The following DGKB variants were observed in gnomAD, a reference collection of about 807,000 sequenced individuals.
The protein encoded by DGKB is diacylglycerol kinase beta, also known as 90 kDa diacylglycerol kinase.
In DGKB, 67 loss-of-function variants were observed where a neutral mutation model predicts 114.3. The observed-to-expected ratio is 0.59, with a 90% CI of 0.48 to 0.72. The LOEUF (loss-of-function observed/expected upper bound fraction) is 0.72, where lower values mean the gene tolerates loss of function less well. Ranked by LOEUF, DGKB falls within the 30% of genes least tolerant of loss-of-function variation. The pLI is 0.00. For synonymous variants in DGKB, 398 were observed against 323.1 expected, an observed-to-expected ratio of 1.23 and a Z score of -2.49; for missense variants, 907 against 975.2, an observed-to-expected ratio of 0.93 and a Z score of 0.93.
At chr7:14,196,802 A>C (rs1785083758) in intron 23 of DGKB, among the ~76,000 whole-genome samples, 1 of 152,108 alleles carries the variant, frequency 6.6e-6, no homozygotes, top group South Asian at 2.1e-4. Flanking sequence ...TTGAATTAAA[A>C]AAAAAATAAG....
chr7:14,204,046 T>G (rs1361934747), intron 23 of DGKB, among the ~76,000 whole-genome samples: 1 of 151,984 alleles, frequency 6.6e-6, no homozygotes, highest in Non-Finnish European at 1.5e-5. Flanking sequence ...GACATCTATT[T>G]GAGAAAATAA....
chr7:14,221,040 C>A (rs1205282301), intron 23 of DGKB, among the ~76,000 whole-genome samples: 2 of 151,270 alleles, frequency 1.3e-5, no homozygotes, highest in African/African-American at 4.8e-5. Context: ...ATGCCAAACT[C>A]ATTGATTAGT....
At chr7:14,960,734 T>C (rs36911) in intron 1 of DGKB, among the ~76,000 whole-genome samples, 56,425 of 151,942 alleles carry the variant, frequency 0.37, 11,284 homozygotes, top group African/African-American at 0.52. Context: ...TTATTATTAC[T>C]AATGTCACAT....
At chr7:14,944,775 G>A (rs553539917) in intron 1 of DGKB, among the ~76,000 whole-genome samples, 9 of 150,772 alleles carry the variant, frequency 6.0e-5, no homozygotes, top group Non-Finnish European at 1.3e-4. Context: ...ACAATCAATA[G>A]ATATGCTATC....
rs1283621091 is a variant in DGKB at position 14,856,665 on chromosome 7, G to GTA, written c.-187-15217_-187-15216dup. Among the ~76,000 whole-genome samples, 73 of 151,592 alleles carry GTA rather than the reference G, an allele frequency of 4.8e-4. 1 individual carries two copies. The highest frequency in any genetic ancestry group is 4.4e-3 in the South Asian group (21 of 4,782). On this transcript the variant is annotated intron_variant, in intron 1 of 25. Coordinates refer to ENST00000402815, the MANE Select transcript of DGKB (RefSeq NM_001350709.2). The stretch of plus-strand genomic sequence containing the variant: ...GAGTAAAAGTATTCATTGTGTGTGT[G>GTA]TATATATATATAAAATTTATTCATC...
At chr7:14,482,620 C>T (rs1783148876) in intron 20 of DGKB, among the ~76,000 whole-genome samples, 1 of 152,028 alleles carries the variant, frequency 6.6e-6, no homozygotes, top group South Asian at 2.1e-4. Context: ...TTATAGTTCT[C>T]ACTAAGAAAC....
intron 20 of DGKB, among the ~76,000 whole-genome samples, chr7:14,556,177 T>C (rs1464156829): frequency 1.3e-5 from 2 of 152,206 alleles, no homozygotes; most frequent in Non-Finnish European, 2.9e-5. Flanking sequence ...CATAAAATTA[T>C]TTAGATTTCC....
chr7:14,822,123 AT>A (rs1274951002), intron 2 of DGKB, among the ~76,000 whole-genome samples: 1 of 152,166 alleles, frequency 6.6e-6, no homozygotes, highest in African/African-American at 2.4e-5. Context: ...TAAATAATGC[AT>A]TTTTTAACTG....
rs114056593 is a variant in DGKB at position 14,166,277 on chromosome 7, A to G, written c.2304+10562T>C. ...TTTTTTGGTCAATTATTTTCTCTCAATGTGGTAAATGCTGTCTCAAACTGC... is the reference window on the plus strand; with the variant it reads ...TTTTTTGGTCAATTATTTTCTCTCAGTGTGGTAAATGCTGTCTCAAACTGC... On this transcript the variant is annotated intron_variant, in intron 25 of 25. Coordinates refer to ENST00000402815, the MANE Select transcript of DGKB (RefSeq NM_001350709.2). 2.0e-3 allele frequency among the ~76,000 whole-genome samples: 300 copies of G among 152,330 alleles called. 1 individual carries two copies. The highest frequency in any genetic ancestry group is 6.6e-3 in the African/African-American group (273 of 41,580).
chr7:14,670,480 G>A (rs10236080), intron 13 of DGKB, among the ~76,000 whole-genome samples: 2 of 151,570 alleles, frequency 1.3e-5, no homozygotes, highest in South Asian at 4.2e-4. Flanking sequence ...ATTTTTGTAT[G>A]TTTAGTTGAG....
chr7:14,480,328 C>G (rs1782799418), intron 20 of DGKB, among the ~76,000 whole-genome samples: 1 of 152,084 alleles, frequency 6.6e-6, no homozygotes, highest in African/African-American at 2.4e-5. Context: ...GTGTCAAACA[C>G]TAGCAGGTCT....
intron 21 of DGKB, among the ~76,000 whole-genome samples, chr7:14,372,093 C>A (rs1817750413): frequency 6.6e-6 from 1 of 152,174 alleles, no homozygotes; most frequent in Non-Finnish European, 1.5e-5. Context: ...CTCTCCAAGG[C>A]AGTTCCAGTG....
At chr7:14,954,818 C>T (rs1490516873) in intron 1 of DGKB, among the ~76,000 whole-genome samples, 4 of 151,994 alleles carry the variant, frequency 2.6e-5, no homozygotes, top group Non-Finnish European at 5.9e-5. Context: ...TAGTTGGTTA[C>T]ATAGAGCTGA....
intron 23 of DGKB, among the ~76,000 whole-genome samples, chr7:14,219,006 C>A (rs1012669979): frequency 2.0e-5 from 3 of 151,916 alleles, no homozygotes; most frequent in African/African-American, 7.2e-5. Flanking sequence ...ATATTTCATA[C>A]AAATGGAATC....
At chr7:14,956,374 A>G (rs1029527183) in intron 1 of DGKB, among the ~76,000 whole-genome samples, 2 of 152,012 alleles carry the variant, frequency 1.3e-5, no homozygotes, top group South Asian at 4.1e-4. Flanking sequence ...ATTACTCAGC[A>G]AAGTTCACTA....
chr7:14,698,155 G>T lies in DGKB; in HGVS notation c.531C>A (p.Ile177=). 6.5e-7 allele frequency: 1 copy of T among 1,529,098 alleles called. No homozygotes were observed. The highest frequency in any genetic ancestry group is 8.8e-7 in the Non-Finnish European group (1 of 1,141,154). 94.7% of individuals were successfully genotyped at this position (1,529,098 alleles called of 1,614,324 possible). ...GFLDSSELEN[I]ISQMMHVAEY... ...CTGCAACATGCATCATCTGACTGATGATATTTTCTAGCTCCTGGAAGAGAA... is the reference window on the plus strand; with the variant it reads ...CTGCAACATGCATCATCTGACTGATTATATTTTCTAGCTCCTGGAAGAGAA... The change falls in exon 8 of 26, where the codon ATC becomes ATA. Residue 177 remains isoleucine, a synonymous_variant. Coordinates refer to ENST00000402815, the MANE Select transcript of DGKB (RefSeq NM_001350709.2).
chr7:14,925,987 G>C (rs994884037), intron 1 of DGKB, among the ~76,000 whole-genome samples: 6 of 152,036 alleles, frequency 3.9e-5, no homozygotes, highest in African/African-American at 1.4e-4. Context: ...GCCTGATCTT[G>C]AACATTCAGT....
chr7:14,637,162 C>G (rs1176835749), intron 13 of DGKB, among the ~76,000 whole-genome samples: 1 of 151,716 alleles, frequency 6.6e-6, no homozygotes, highest in East Asian at 1.9e-4. Flanking sequence ...AACCCGTGTA[C>G]AAAGGAATAC....
intron 1 of DGKB, among the ~76,000 whole-genome samples, chr7:14,859,975 C>T (rs1260732210): frequency 6.6e-6 from 1 of 151,992 alleles, no homozygotes; most frequent in African/African-American, 2.4e-5. Context: ...AGAAAGTTTT[C>T]TTCTTAAGAA....
Sources: allele counts gnomAD v4.1 joint callset (sites outside exome capture counted in the v4.1 genomes callset), GRCh38; gene constraint gnomAD v4.1.1; transcripts MANE v1.5; gene names NCBI Gene and HGNC (gene_info 2026-07-23, HGNC 2026-07-21).